Variants in SUMF1 observed in about 807,000 individuals in gnomAD.
SUMF1 encodes sulfatase modifying factor 1.
Under a neutral mutation model 47.6 loss-of-function variants are expected in SUMF1, and 48 were observed. The ratio of observed to expected loss-of-function variants is 1.01; its 90% CI spans 0.80 to 1.28. The LOEUF is 1.28. SUMF1 is among the 50% of genes most tolerant of loss of function. The pLI, the probability that SUMF1 is intolerant of heterozygous loss-of-function variation, is 0.00. For missense variants in SUMF1, 571 were observed against 485.4 expected, an observed-to-expected ratio of 1.18 and a Z score of -1.66; for synonymous variants, 230 against 192.1, an observed-to-expected ratio of 1.20 and a Z score of -1.63.
chr3:4,281,590 CAG>C (rs1455704319), intron 8 of SUMF1, among the ~76,000 whole-genome samples: 1 of 151,942 alleles, frequency 6.6e-6, no homozygotes, highest in Admixed American at 6.6e-5. Flanking sequence ...CAAAAAATCT[CAG>C]AGAGATGTTT....
intron 8 of SUMF1, among the ~76,000 whole-genome samples, chr3:4,251,832 C>A (rs1696808861): frequency 2.0e-5 from 3 of 152,228 alleles, no homozygotes; most frequent in Non-Finnish European, 4.4e-5. Flanking sequence ...AGATAACTCA[C>A]TGAAGGCTCA....
chr3:4,156,220 A>C (rs1433373396), intron 8 of SUMF1, among the ~76,000 whole-genome samples: 1 of 151,476 alleles, frequency 6.6e-6, no homozygotes, highest in Non-Finnish European at 1.5e-5. Context: ...AAATTTGACA[A>C]ATGAAAAACA....
chr3:4,273,802 G>GGGAGGGGAGGATACGGGAGGGGAGGGCAT, intron 8 of SUMF1, among the ~76,000 whole-genome samples: 1 of 139,044 alleles, frequency 7.2e-6, no homozygotes, highest in South Asian at 2.6e-4. Flanking sequence ...GGGAGGGCAT[G>GGGAGGGGAGGATACGGGAGGGGAGGGCAT]GGAGGGGAGG....
chr3:4,050,586 A>T lies in SUMF1; in HGVS notation c.1191+17983T>A, dbSNP rs778463153. ...GCAAGACCCCGTCTCCACTAAAAAT[A>T]CAAAAAATTCGTCAGGTGTGTTGGC... On this transcript the variant is annotated intron_variant and NMD_transcript_variant, in intron 9 of 12. Coordinates refer to the SUMF1 transcript ENST00000448413. Among the ~76,000 whole-genome samples the T allele has an allele frequency of 2.4e-4, 37 of 151,542 alleles. 1 individual carries two copies. The highest frequency in any genetic ancestry group is 5.0e-4 in the Non-Finnish European group (34 of 67,878).
intron 1 of SUMF1, among the ~76,000 whole-genome samples, chr3:4,453,346 T>A (rs966441888): frequency 5.3e-5 from 8 of 152,116 alleles, no homozygotes; most frequent in Admixed American, 1.3e-4. Flanking sequence ...ACGGCTAGAA[T>A]GCAGAGGTAG....
At chr3:4,364,665 C>G (rs558521772) in intron 8 of SUMF1, among the ~76,000 whole-genome samples, 1 of 150,228 alleles carries the variant, frequency 6.7e-6, no homozygotes, top group Non-Finnish European at 1.5e-5. Flanking sequence ...TTGATCCTTT[C>G]AAAAAACCAG....
At chr3:4,282,651 G>A (rs62259811) in intron 8 of SUMF1, among the ~76,000 whole-genome samples, 1,686 of 152,250 alleles carry the variant, frequency 0.011, 15 homozygotes, top group Non-Finnish European at 0.017. Flanking sequence ...AGTGGAAAGT[G>A]GGAGAACTGT....
chr3:4,150,562 A>G (rs1268561881), intron 8 of SUMF1, among the ~76,000 whole-genome samples: 2 of 142,096 alleles, frequency 1.4e-5, no homozygotes, highest in African/African-American at 5.2e-5. Flanking sequence ...AAAAAAAAAA[A>G]TGTGTAGAGG....
chr3:4,105,393 G>C (rs1040662428), intron 8 of SUMF1, among the ~76,000 whole-genome samples: 3 of 152,108 alleles, frequency 2.0e-5, no homozygotes, highest in Admixed American at 2.0e-4. Context: ...CAAAACTTAA[G>C]TTTTCTGCAG....
intron 8 of SUMF1, among the ~76,000 whole-genome samples, chr3:4,336,767 C>G (rs977689574): frequency 2.0e-5 from 3 of 152,226 alleles, no homozygotes; most frequent in African/African-American, 7.2e-5. Context: ...ATTTGATATT[C>G]TGTCAACTTT....
At chr3:4,380,124 GC>G in intron 7 of SUMF1, among the ~76,000 whole-genome samples, 1 of 151,924 alleles carries the variant, frequency 6.6e-6, no homozygotes, top group Non-Finnish European at 1.5e-5. Flanking sequence ...CACCTCCTGT[GC>G]TCAAGAGTCT....
At chr3:4,449,164 G>GTT in intron 3 of SUMF1, 102 bp downstream of exon 3, 1 of 1,250,224 alleles carries the variant, frequency 8.0e-7, no homozygotes, top group Non-Finnish European at 1.2e-6. Flanking sequence ...ATGGTTAGGT[G>GTT]TTACAGGGAG....
At chr3:4,187,827 G>A (rs1559549196) in intron 8 of SUMF1, among the ~76,000 whole-genome samples, 1 of 151,914 alleles carries the variant, frequency 6.6e-6, no homozygotes, top group Non-Finnish European at 1.5e-5. Context: ...ACTTCCTTTG[G>A]ACCTCATATT....
chr3:4,133,522 G>A (rs890421398), intron 8 of SUMF1, among the ~76,000 whole-genome samples: 1 of 152,094 alleles, frequency 6.6e-6, no homozygotes, highest in Admixed American at 6.5e-5. Flanking sequence ...ATTTGAGTCA[G>A]TGTGCTGCAA....
chr3:4,265,911 G>C (rs1447813094), intron 8 of SUMF1, among the ~76,000 whole-genome samples: 3 of 151,964 alleles, frequency 2.0e-5, no homozygotes, highest in Non-Finnish European at 4.4e-5. Context: ...TTTGTATAAG[G>C]TGTAAGGAAG....
At chr3:4,166,876 G>A (rs932136350) in intron 8 of SUMF1, among the ~76,000 whole-genome samples, 19 of 152,132 alleles carry the variant, frequency 1.2e-4, no homozygotes, top group East Asian at 1.9e-4. Context: ...CAACTCTGAA[G>A]AGTCGGGGGT....
intron 3 of SUMF1, among the ~76,000 whole-genome samples, chr3:4,447,609 G>A (rs533237294): frequency 1.3e-5 from 2 of 151,334 alleles, no homozygotes; most frequent in Admixed American, 1.3e-4. Flanking sequence ...AGTGAATGAA[G>A]GTAAGTCAGA....
chr3:4,102,479 C>T (rs981377731), intron 8 of SUMF1, among the ~76,000 whole-genome samples: 3 of 152,132 alleles, frequency 2.0e-5, no homozygotes, highest in African/African-American at 7.2e-5. Flanking sequence ...TCATCCGCTC[C>T]TCACTTAGTC....
At chr3:4,164,839 C>A (rs958445312) in intron 8 of SUMF1, among the ~76,000 whole-genome samples, 18 of 152,096 alleles carry the variant, frequency 1.2e-4, no homozygotes, top group Admixed American at 2.0e-4. Context: ...GATAAATTGA[C>A]CCTTGAGTGA....
Sources: gnomAD v4.1 joint callset for allele counts (sites outside exome capture counted in the v4.1 genomes callset) on GRCh38, gnomAD v4.1.1 for gene constraint, MANE v1.5 for transcripts, NCBI Gene and HGNC (gene_info 2026-07-23, HGNC 2026-07-21) for gene names.